The following CDK14 variants were observed in gnomAD, a reference collection of about 807,000 sequenced individuals.
CDK14 encodes the protein cyclin dependent kinase 14.
In CDK14, 34 loss-of-function variants were observed where a neutral mutation model predicts 60.7. That is an observed-to-expected ratio of 0.56 (90% CI 0.43 to 0.75). CDK14 has a LOEUF of 0.75. Among genes scored for constraint, CDK14 ranks in the 30% least tolerant of loss-of-function variants. The pLI is 0.00. For missense variants in CDK14, 482 were observed against 564.1 expected (o/e 0.85, Z 1.47); for synonymous variants, 197 against 203.7 (o/e 0.97, Z 0.28).
chr7:91,161,062 A>G (rs895775639), intron 14 of CDK14, among the ~76,000 whole-genome samples: 2 of 152,264 alleles, frequency 1.3e-5, no homozygotes, highest in African/African-American at 4.8e-5. Context: ...GGAAAGGCGT[A>G]TCAGCAGAGA....
chr7:90,976,516 T>C (rs893127468), intron 9 of CDK14, among the ~76,000 whole-genome samples: 1 of 151,940 alleles, frequency 6.6e-6, no homozygotes, highest in Non-Finnish European at 1.5e-5. Context: ...AGTCCCACCA[T>C]GCCTGGCAAA....
intron 10 of CDK14, among the ~76,000 whole-genome samples, chr7:91,012,806 C>T (rs1233002369): frequency 3.3e-5 from 5 of 152,034 alleles, no homozygotes; most frequent in African/African-American, 4.8e-5. Context: ...GTAAATACTC[C>T]TCAAAGGGTA....
chr7:90,710,180 C>T (rs2116641351), intron 2 of CDK14: 1 of 985,272 alleles, frequency 1.0e-6, no homozygotes, highest in Non-Finnish European at 1.2e-6. Context: ...TCTTTTGAGG[C>T]TCCCGAGGCT....
chr7:90,632,656 T>G (rs1181174638), intron 2 of CDK14: 2 of 152,526 alleles, frequency 1.3e-5, no homozygotes, highest in African/African-American at 4.8e-5. Context: ...CAGTCCATGT[T>G]GTAATGAGGA....
chr7:90,762,759 G>C (rs1046901475), intron 4 of CDK14, among the ~76,000 whole-genome samples: 1 of 152,172 alleles, frequency 6.6e-6, no homozygotes, highest in African/African-American at 2.4e-5. Context: ...GCTGAGGCGG[G>C]CAGATTACTT....
chr7:91,147,193 C>T (rs1352897886), intron 14 of CDK14, among the ~76,000 whole-genome samples: 1 of 151,112 alleles, frequency 6.6e-6, no homozygotes, highest in Non-Finnish European at 1.5e-5. Flanking sequence ...CACACACACA[C>T]ACACACACAC....
intron 4 of CDK14, among the ~76,000 whole-genome samples, chr7:90,753,360 C>G (rs1390592065): frequency 6.6e-6 from 1 of 152,110 alleles, no homozygotes; most frequent in Non-Finnish European, 1.5e-5. Context: ...TGTGCTTCAC[C>G]ACATAACAGA....
intron 2 of CDK14, among the ~76,000 whole-genome samples, chr7:90,635,391 A>G (rs1169158622): frequency 6.6e-6 from 1 of 152,224 alleles, no homozygotes; most frequent in Non-Finnish European, 1.5e-5. Flanking sequence ...TAAATAGGGA[A>G]TCCTTTCCCC....
chr7:91,138,947 AT>A (rs1800363960), intron 14 of CDK14, among the ~76,000 whole-genome samples: 1 of 152,110 alleles, frequency 6.6e-6, no homozygotes, highest in Non-Finnish European at 1.5e-5. Context: ...TCTCTAGTCC[AT>A]GTGATGGAAG....
chr7:90,855,496 C>T (rs1234346041), intron 5 of CDK14, among the ~76,000 whole-genome samples: 1 of 152,082 alleles, frequency 6.6e-6, no homozygotes, highest in African/African-American at 2.4e-5. Flanking sequence ...TCAAATGATG[C>T]AGAAAGATAT....
At chr7:90,978,597 C>A (rs1360209603) in intron 9 of CDK14, among the ~76,000 whole-genome samples, 2 of 152,034 alleles carry the variant, frequency 1.3e-5, no homozygotes, top group Non-Finnish European at 2.9e-5. Context: ...AGTAAAATAA[C>A]CTATCCCTCT....
chr7:90,843,959 AG>A (rs1454121517), intron 5 of CDK14, among the ~76,000 whole-genome samples: 9 of 152,146 alleles, frequency 5.9e-5, no homozygotes, highest in African/African-American at 1.9e-4. Flanking sequence ...ACTAGGGAAA[AG>A]GTAAGCATTT....
rs572724855 is a variant in CDK14, at chr7:91,186,338, T to G, written c.*29-20827T>G. Among the ~76,000 whole-genome samples the G allele has an allele frequency of 1.1e-4, 15 of 138,306 alleles. No individual in the cohort carries two copies. In the South Asian group the frequency reaches 3.8e-3, roughly 35 times the overall value. The allele number at this position is 138,306 out of a possible 152,430, so 90.7% of individuals were successfully genotyped here. The stretch of plus-strand genomic sequence containing the variant: ...ATTCCCTTCCCTAATAATATTCCAT[T>G]TTATGGATATACCACATTTTATTTA... On this transcript the variant is annotated intron_variant, in intron 14 of 14. Transcript: ENST00000380050.
At chr7:91,179,382 A>C (rs1464215706) in intron 14 of CDK14, among the ~76,000 whole-genome samples, 1 of 149,740 alleles carries the variant, frequency 6.7e-6, no homozygotes, top group Non-Finnish European at 1.5e-5. Context: ...GAGGGATAGC[A>C]TCGGGAGATA....
chr7:90,963,680 G>GTTTTGTT (rs1554392949), intron 9 of CDK14, among the ~76,000 whole-genome samples: 25 of 130,858 alleles, frequency 1.9e-4, no homozygotes, highest in African/African-American at 7.1e-4. Context: ...GAAGACAAAG[G>GTTTTGTT]TTTTTTTTTT....
chr7:90,626,631 T>C (rs551238104), intron 2 of CDK14, among the ~76,000 whole-genome samples: 2 of 152,362 alleles, frequency 1.3e-5, no homozygotes, highest in East Asian at 1.9e-4. Context: ...AACATTTTTC[T>C]TGTAGTTACG....
At chr7:91,013,156 A>G (rs1796209095) in intron 10 of CDK14, among the ~76,000 whole-genome samples, 2 of 152,252 alleles carry the variant, frequency 1.3e-5, no homozygotes, top group Non-Finnish European at 2.9e-5. Context: ...CTAGGTTTAC[A>G]TAGTAAACTG....
intron 14 of CDK14, among the ~76,000 whole-genome samples, chr7:91,134,043 T>A (rs1309470080): frequency 6.6e-6 from 1 of 152,168 alleles, no homozygotes; most frequent in Non-Finnish European, 1.5e-5. Context: ...AGGAGTCCTG[T>A]CGGCATAAGA....
At chr7:90,951,180 AT>A (rs1297142838) in intron 8 of CDK14, among the ~76,000 whole-genome samples, 1 of 152,114 alleles carries the variant, frequency 6.6e-6, no homozygotes, top group African/African-American at 2.4e-5. Flanking sequence ...TTATCCAAGC[AT>A]TTTATGTCTG....
Sources: allele counts gnomAD v4.1 joint callset (sites outside exome capture counted in the v4.1 genomes callset), GRCh38; gene constraint gnomAD v4.1.1; transcripts MANE v1.5; gene names NCBI Gene and HGNC (gene_info 2026-07-23, HGNC 2026-07-21).